The following ZNF682 variants were observed in gnomAD, a reference collection of about 807,000 sequenced individuals.
The protein encoded by ZNF682 is zinc finger protein 682.
Under a neutral mutation model 36.5 loss-of-function variants are expected in ZNF682, and 29 were observed. The ratio of observed to expected loss-of-function variants is 0.80; its 90% confidence interval spans 0.59 to 1.08. The LOEUF is 1.08. ZNF682 is among the 50% of genes least tolerant of loss of function. The pLI is 0.00. For synonymous variants in ZNF682, 180 were observed against 197.0 expected (o/e 0.91, Z 0.72); for missense variants, 561 against 579.7 (o/e 0.97, Z 0.33).
chr19:20,034,686 T>A (rs994150054), intron 1 of ZNF682, among the ~76,000 whole-genome samples: 18 of 148,868 alleles, frequency 1.2e-4, no homozygotes, highest in African/African-American at 4.0e-4. Context: ...GGCAGGAGAA[T>A]CACTTGAACC....
rs892663239 is a variant in ZNF682 at position 20,006,090 on chromosome 19, T to A, written c.1412A>T (p.His471Leu). ...AFKRCSHLNE[H>L]KRVQRGEKSC... ...TTTCTCTCCTCTTTGAACTCTCTTA[T>A]GTTCATTAAGATGTGAGCACCGTTT... Residue 471 changes from histidine (H) to leucine (L), a missense_variant, in exon 4 of 4, where the codon CAT (histidine) becomes CTT (leucine). Coordinates refer to ENST00000397165, the MANE Select transcript of ZNF682 (RefSeq NM_033196.3). The A allele has an allele frequency of 1.9e-6, 3 of 1,613,962 alleles. No individual in the cohort carries two copies. Among genetic ancestry groups the A allele is most frequent in the Non-Finnish European group, 1.7e-6 (2 of 1,179,990 alleles).
intron 3 of ZNF682, chr19:19,997,385 C>T (rs113817582): frequency 5.0e-6 from 2 of 396,644 alleles, no homozygotes; most frequent in African/African-American, 4.1e-5. Flanking sequence ...TTTCACATAC[C>T]CATAAGTGTC....
At chr19:20,002,949 G>C (rs991794752), downstream of ZNF682, among the ~76,000 whole-genome samples, 15 of 152,058 alleles carry the variant, frequency 9.9e-5, no homozygotes, top group African/African-American at 3.6e-4. Context: ...CCAGCACTTT[G>C]GGAGGCTGAG....
chr19:20,001,001 A>G (rs1218213985), downstream of ZNF682, among the ~76,000 whole-genome samples: 1 of 152,136 alleles, frequency 6.6e-6, no homozygotes, highest in Non-Finnish European at 1.5e-5. Context: ...CAGGTCCCAG[A>G]CTGAAATATG....
At chr19:20,024,640 C>A (rs1483182599) in intron 1 of ZNF682, among the ~76,000 whole-genome samples, 1 of 152,098 alleles carries the variant, frequency 6.6e-6, no homozygotes, top group East Asian at 1.9e-4. Context: ...GAATTTGAGA[C>A]CAGCCTGGCC....
At chr19:20,016,968 G>A (rs1237851315) in intron 3 of ZNF682, among the ~76,000 whole-genome samples, 1 of 152,058 alleles carries the variant, frequency 6.6e-6, no homozygotes, top group Non-Finnish European at 1.5e-5. Context: ...AAAAGGTATA[G>A]TTTTATATTC....
intron 3 of ZNF682, among the ~76,000 whole-genome samples, chr19:20,013,582 T>TA (rs1393734874): frequency 6.6e-6 from 1 of 152,172 alleles, no homozygotes; most frequent in African/African-American, 2.4e-5. Context: ...TAGCAAACTT[T>TA]TTTTTTTTTA....
chr19:20,003,098 G>A (rs919708228), downstream of ZNF682, among the ~76,000 whole-genome samples: 2 of 143,030 alleles, frequency 1.4e-5, no homozygotes, highest in Non-Finnish European at 3.0e-5. Flanking sequence ...GGCTGAGGCA[G>A]GAGAATGGCG....
At chr19:20,018,250 C>A (rs111516015) in intron 3 of ZNF682, among the ~76,000 whole-genome samples, 3,129 of 150,378 alleles carry the variant, frequency 0.021, 49 homozygotes, top group Non-Finnish European at 0.026. Flanking sequence ...CCCGCCACTA[C>A]GCCCGGCTAA....
chr19:20,028,812 A>G (rs2088454505), intron 1 of ZNF682, among the ~76,000 whole-genome samples: 1 of 152,160 alleles, frequency 6.6e-6, no homozygotes, highest in Non-Finnish European at 1.5e-5. Context: ...ATGTTTATGG[A>G]GCATGCGCTG....
intron 3 of ZNF682, among the ~76,000 whole-genome samples, chr19:20,017,649 A>G (rs34809199): frequency 0.43 from 65,810 of 152,042 alleles, 17,228 homozygotes; most frequent in Non-Finnish European, 0.58. Flanking sequence ...ATGAATATAA[A>G]AAAACCAGAT....
chr19:20,017,008 T>C (rs762464600), intron 3 of ZNF682, among the ~76,000 whole-genome samples: 4 of 152,260 alleles, frequency 2.6e-5, no homozygotes, highest in Non-Finnish European at 2.9e-5. Flanking sequence ...TTTAAGCATA[T>C]TGTTATGTTT....
At chr19:20,018,706 T>C (rs889529802) in intron 3 of ZNF682, among the ~76,000 whole-genome samples, 8 of 152,126 alleles carry the variant, frequency 5.3e-5, no homozygotes, top group Admixed American at 6.5e-5. Flanking sequence ...TTCCGTTACA[T>C]GCACCATATA....
intron 3 of ZNF682, among the ~76,000 whole-genome samples, chr19:20,021,194 T>G (rs1187557083): frequency 1.3e-5 from 2 of 152,258 alleles, no homozygotes; most frequent in African/African-American, 4.8e-5. Flanking sequence ...CTGGACTGCA[T>G]GCAGCCAGCA....
In ZNF682 at chr19:20,012,370, A is replaced by G. The variant is rs544922325; in HGVS notation, c.227-5095T>C. 1.1e-3 allele frequency among the ~76,000 whole-genome samples: 164 copies of G among 152,334 alleles called. 1 individual carries two copies. Among genetic ancestry groups the G allele is most frequent in the African/African-American group, 3.6e-3 (149 of 41,592 alleles). On this transcript the variant is annotated intron_variant, in intron 3 of 3. Transcript: ENST00000397165. Reference sequence around the variant, plus strand: ...AGAAAAAAAAGGATCCAATAAGCACAATCAAAAATGACAAACTATCAATAG... The same window carrying G: ...AGAAAAAAAAGGATCCAATAAGCACGATCAAAAATGACAAACTATCAATAG...
chr19:20,006,905 T>C lies in ZNF682; in HGVS notation c.597A>G (p.Lys199=), dbSNP rs2088228970. The change falls in exon 4 of 4, where the codon AAA becomes AAG. Residue 199 remains lysine (K), a synonymous_variant. Transcript: ENST00000397165. ...TGCCACATTCCTCACATATGCAGAGTTTCTCTTCAGTGTGAATTATCTTAT... is the reference window on the plus strand; with the variant it reads ...TGCCACATTCCTCACATATGCAGAGCTTCTCTTCAGTGTGAATTATCTTAT... ...SYHKIIHTEE[K]LCICEECGKT... 6.2e-7 allele frequency: 1 copy of C among 1,614,034 alleles called. No individual in the cohort carries two copies. Among genetic ancestry groups the C allele is most frequent in the Non-Finnish European group, 8.5e-7 (1 of 1,179,934 alleles).
chr19:20,019,698 A>C (rs2088367234), intron 3 of ZNF682, among the ~76,000 whole-genome samples: 2 of 152,210 alleles, frequency 1.3e-5, no homozygotes, highest in African/African-American at 4.8e-5. Flanking sequence ...AGTGAAGACA[A>C]AGAGCCAACA....
chr19:20,020,194 C>T (rs2088371856), intron 3 of ZNF682, among the ~76,000 whole-genome samples: 2 of 151,992 alleles, frequency 1.3e-5, no homozygotes, highest in South Asian at 2.1e-4. Flanking sequence ...CCAGTATGGA[C>T]GTTCTTTAAA....
Position 20,024,270 on chromosome 19 carries a change from T to C in ZNF682, c.110A>G (p.Tyr37Cys), listed in dbSNP as rs772063239. Reference protein sequence around the residue: ...SLYRKVMLENYRNLVSLGLTV... With the variant: ...SLYRKVMLENCRNLVSLGLTV... ...CTCACCCAGAGAGACCAGGTTTCTG[T>C]AGTTCTCTAGCATCACTTTCCTATA... Residue 37 changes from tyrosine (Y) to cysteine (C), a missense_variant, in exon 2 of 4, where the codon TAC becomes TGC. Transcript: ENST00000397165. 1.2e-6 allele frequency: 2 copies of C among 1,613,998 alleles called. No homozygotes were observed. Among genetic ancestry groups the C allele is most frequent in the East Asian group, 2.2e-5 (1 of 44,862 alleles).
Sources: allele counts gnomAD v4.1 joint callset (sites outside exome capture counted in the v4.1 genomes callset), GRCh38; gene constraint gnomAD v4.1.1; transcripts MANE v1.5; gene names NCBI Gene and HGNC (gene_info 2026-07-23, HGNC 2026-07-21).